Variants in UTRN observed in about 807,000 individuals in gnomAD.
UTRN encodes the protein dystrophin-related protein 1.
In UTRN, 283 loss-of-function variants were observed where a neutral mutation model predicts 463.9. The observed-to-expected ratio is 0.61, with a 90% CI of 0.55 to 0.67. The LOEUF (loss-of-function observed/expected upper bound fraction) is 0.67. Ranked by LOEUF, UTRN falls within the 30% of genes least tolerant of loss-of-function variation. The pLI is 0.00. For missense variants in UTRN, 3,922 were observed against 4,084.3 expected (o/e 0.96, Z 1.08); for synonymous variants, 1,442 against 1,431.5 (o/e 1.01, Z -0.17).
At chr6:144,355,205 C>T (rs541439096) in intron 2 of UTRN, among the ~76,000 whole-genome samples, 1 of 152,120 alleles carries the variant, frequency 6.6e-6, no homozygotes, top group Non-Finnish European at 1.5e-5. Context: ...GATTTTCGAA[C>T]ATTTTTCATT....
intron 61 of UTRN, among the ~76,000 whole-genome samples, chr6:144,788,483 C>T (rs1166759848): frequency 1.3e-5 from 2 of 150,106 alleles, no homozygotes; most frequent in Non-Finnish European, 3.0e-5. Flanking sequence ...TGTATGAAGT[C>T]ATATATATAT....
chr6:144,558,243 A>C (rs976799025), intron 50 of UTRN, among the ~76,000 whole-genome samples: 4 of 152,330 alleles, frequency 2.6e-5, no homozygotes, highest in African/African-American at 9.6e-5. Context: ...TGAAGCTCTG[A>C]AAACTCAAAG....
rs1001499848 is a variant in UTRN, at chr6:144,755,645, T to C, written c.8434+847T>C. Among the ~76,000 whole-genome samples, 6 of 152,310 alleles carry C rather than the reference T, an allele frequency of 3.9e-5. 1 individual carries two copies. Among genetic ancestry groups the C allele is most frequent in the Admixed American group, 3.9e-4 (6 of 15,290 alleles). ...CACAAATGCTTTCAATAAATATTAA[T>C]TCCTTTCCTTTCATTTCCTTTAGCA... On this transcript the variant is annotated intron_variant, in intron 57 of 74. Transcript: ENST00000367545.
chr6:144,846,730 T>C, intron 73 of UTRN, 75 bp from the exon 74 acceptor site: 1 of 1,601,928 alleles, frequency 6.2e-7, no homozygotes, highest in Non-Finnish European at 8.6e-7. Flanking sequence ...TTTCCACGCA[T>C]TTGCATGCCT....
intron 51 of UTRN, among the ~76,000 whole-genome samples, chr6:144,635,514 C>CTTTTTTTTTTTTTTTTT (rs1402815648): frequency 1.4e-4 from 11 of 80,028 alleles, no homozygotes; most frequent in South Asian, 5.5e-4. Context: ...CTTTTTTTTT[C>CTTTTTTTTTTTTTTTTT]TTTTTTTTTT....
intron 50 of UTRN, among the ~76,000 whole-genome samples, chr6:144,568,325 G>A (rs1043266438): frequency 8.6e-5 from 13 of 152,000 alleles, no homozygotes; most frequent in Admixed American, 2.0e-4. Context: ...TGTTCTTTGT[G>A]ATTTGTAGAT....
chr6:144,534,471 A>G (rs1020438522), intron 43 of UTRN, among the ~76,000 whole-genome samples: 1 of 152,230 alleles, frequency 6.6e-6, no homozygotes, highest in Non-Finnish European at 1.5e-5. Context: ...TTCCTCTGGA[A>G]ATGAGAACTA....
chr6:144,587,262 C>T (rs561995470), intron 51 of UTRN, among the ~76,000 whole-genome samples: 1 of 152,078 alleles, frequency 6.6e-6, no homozygotes, highest in Non-Finnish European at 1.5e-5. Context: ...AATACTGTGT[C>T]TTCTGTGGTA....
intron 56 of UTRN, among the ~76,000 whole-genome samples, chr6:144,753,911 A>T (rs1003449897): frequency 7.2e-5 from 11 of 152,122 alleles, no homozygotes; most frequent in African/African-American, 2.2e-4. Flanking sequence ...ATTAAAAAAA[A>T]TACGAAGAGT....
chr6:144,301,059 C>T (rs547549571), intron 2 of UTRN, among the ~76,000 whole-genome samples: 19 of 152,032 alleles, frequency 1.2e-4, no homozygotes, highest in African/African-American at 4.3e-4. Flanking sequence ...CCAGCTTTTT[C>T]GGTGGGGGGC....
chr6:144,495,140 G>A (rs1046855408), intron 33 of UTRN, among the ~76,000 whole-genome samples: 16 of 152,320 alleles, frequency 1.1e-4, no homozygotes, highest in South Asian at 4.1e-4. Context: ...GTCCCGCACC[G>A]TGGGCTTGCA....
intron 51 of UTRN, among the ~76,000 whole-genome samples, chr6:144,598,285 A>G (rs1330690642): frequency 6.6e-6 from 1 of 152,200 alleles, no homozygotes; most frequent in African/African-American, 2.4e-5. Context: ...AGGCGGGACA[A>G]CTTGAAGTGG....
At chr6:144,546,845 ACT>A (rs1554285599) in intron 46 of UTRN, among the ~76,000 whole-genome samples, 1 of 151,058 alleles carries the variant, frequency 6.6e-6, no homozygotes, top group Non-Finnish European at 1.5e-5. Context: ...CAAACAAACA[ACT>A]CTGTTTTCTA....
chr6:144,543,630 C>T (rs1020662958), intron 46 of UTRN, among the ~76,000 whole-genome samples: 1 of 152,148 alleles, frequency 6.6e-6, no homozygotes, highest in African/African-American at 2.4e-5. Flanking sequence ...TCTCCTCCTC[C>T]TTGACTTCCA....
intron 2 of UTRN, among the ~76,000 whole-genome samples, chr6:144,323,151 C>A (rs993584168): frequency 1.3e-5 from 2 of 152,098 alleles, no homozygotes; most frequent in African/African-American, 4.8e-5. Flanking sequence ...CTAGCAATTC[C>A]AGGTCTAATG....
At position 144,510,999 on chromosome 6, in the gene UTRN, G is replaced by A; in HGVS notation, c.4820G>A (p.Ser1607Asn). 1 of 1,612,524 alleles carries A rather than the reference G, an allele frequency of 6.2e-7. No individual in the cohort carries two copies. Among genetic ancestry groups the A allele is most frequent in the South Asian group, 1.1e-5 (1 of 90,904 alleles). The change falls in exon 35 of 75, where the codon AGT becomes AAT. Residue 1607 changes from serine (S) to asparagine (N), a missense_variant. This residue lies in a region of UTRN where 2,349 missense variants were observed against 2,303.8 expected (regional missense o/e 1.02). Transcript: ENST00000367545. ...RKADLNTITE[S>N]SAALQNLIEG... ...GCTGATTTAAATACCATCACAGAGA[G>A]TAGTGCTGCCCTGCAAAACTTGATT...
intron 13 of UTRN, 65 bp downstream of exon 13, chr6:144,440,536 C>A: frequency 3.1e-6 from 5 of 1,595,920 alleles, no homozygotes; most frequent in Non-Finnish European, 4.3e-6. Context: ...TTACATATTG[C>A]CCTTGTTCTT....
intron 16 of UTRN, 143 bp from the exon 17 acceptor site, chr6:144,448,457 G>C: frequency 2.2e-6 from 2 of 923,068 alleles, no homozygotes; most frequent in Non-Finnish European, 1.6e-6. Context: ...TCTGGAGACA[G>C]ACTGTGAGGA....
At chr6:144,591,220 T>C (rs1803033869) in intron 51 of UTRN, among the ~76,000 whole-genome samples, 1 of 152,166 alleles carries the variant, frequency 6.6e-6, no homozygotes, top group African/African-American at 2.4e-5. Flanking sequence ...CCTGCAGACT[T>C]TGACTCACTG....
Sources: allele counts gnomAD v4.1 joint callset (sites outside exome capture counted in the v4.1 genomes callset), GRCh38; gene constraint gnomAD v4.1.1; regional missense constraint gnomAD v4.1.1; transcripts MANE v1.5; gene names NCBI Gene and HGNC (gene_info 2026-07-23, HGNC 2026-07-21).